The following TRAPPC13 variants were observed in gnomAD, a reference collection of about 807,000 sequenced individuals.
TRAPPC13 encodes the protein trafficking protein particle complex subunit 13.
TRAPPC13 carries 39 observed loss-of-function variants against 54.0 expected under a neutral mutation model. The observed-to-expected ratio is 0.72, with a 90% confidence interval of 0.56 to 0.94. TRAPPC13 has a LOEUF of 0.94. Ranked by LOEUF, TRAPPC13 falls within the 40% of genes least tolerant of loss-of-function variation. The pLI is 0.00. For missense variants in TRAPPC13, 386 were observed against 488.1 expected, an observed-to-expected ratio of 0.79 and a Z score of 1.97; for synonymous variants, 148 against 167.7, an observed-to-expected ratio of 0.88 and a Z score of 0.91.
chr5:65,640,507 C>T lies in TRAPPC13; in HGVS notation c.300+2727C>T, dbSNP rs117677075. ...ACAGCAGAGTTGTATATAGTTGAAA[C>T]GGAGATTGTATGGCCTCTAAAATCT... On this transcript the variant is annotated intron_variant, in intron 4 of 12. Coordinates refer to ENST00000399438, the MANE Select transcript of TRAPPC13 (RefSeq NM_024941.4). Among the ~76,000 whole-genome samples, 15 of 152,296 alleles carry T rather than the reference C, an allele frequency of 9.8e-5. No homozygotes were observed. The East Asian group carries it at 2.3e-3, about 23-fold the overall frequency.
intron 7 of TRAPPC13, among the ~76,000 whole-genome samples, chr5:65,653,884 C>T (rs27146): frequency 0.71 from 107,313 of 151,980 alleles, 39,471 homozygotes; most frequent in African/African-American, 0.92. Flanking sequence ...ATTAATACCA[C>T]ACTGTTGATT....
At chr5:65,647,009 A>T (rs1756237592) in intron 4 of TRAPPC13, 46 bp from the exon 5 acceptor site, 1 of 1,503,498 alleles carries the variant, frequency 6.7e-7, no homozygotes, top group East Asian at 2.5e-5. Flanking sequence ...CCTGTAGGTA[A>T]CCAGTCTCAT....
intron 4 of TRAPPC13, among the ~76,000 whole-genome samples, chr5:65,639,868 C>T (rs185265890): frequency 2.4e-4 from 36 of 152,322 alleles, no homozygotes; most frequent in Non-Finnish European, 2.9e-5. Flanking sequence ...AAGGTAAGAA[C>T]TCACAGTATG....
chr5:65,663,791 T>C (rs1260426212), intron 11 of TRAPPC13: 1 of 153,706 alleles, frequency 6.5e-6, no homozygotes, highest in African/African-American at 2.4e-5. Context: ...GCCAGTTGTT[T>C]CCCAAGTTAT....
chr5:65,645,451 G>A (rs1756150489), intron 4 of TRAPPC13, among the ~76,000 whole-genome samples: 1 of 152,070 alleles, frequency 6.6e-6, no homozygotes, highest in Non-Finnish European at 1.5e-5. Context: ...AGACACAGCA[G>A]TAATAAATAT....
intron 5 of TRAPPC13, among the ~76,000 whole-genome samples, chr5:65,650,079 C>T (rs1258757609): frequency 5.3e-5 from 8 of 150,254 alleles, no homozygotes; most frequent in Non-Finnish European, 8.8e-5. Flanking sequence ...AGGATGGTCT[C>T]GATCTCCTGA....
intron 1 of TRAPPC13, chr5:65,629,506 G>C (rs1755427869): frequency 1.0e-5 from 15 of 1,438,582 alleles, no homozygotes; most frequent in Non-Finnish European, 1.4e-5. Flanking sequence ...AGACAATCTT[G>C]CAATAATAAA....
At chr5:65,661,859 A>G (rs37347) in intron 10 of TRAPPC13, 191 bp from the exon 11 acceptor site, 301,445 of 484,818 alleles carry the variant, frequency 0.62, 94,840 homozygotes, top group South Asian at 0.67. Context: ...CAGGTCTGCC[A>G]GGCTATTCCA....
chr5:65,653,811 G>T (rs1756559556), intron 7 of TRAPPC13, among the ~76,000 whole-genome samples: 1 of 152,170 alleles, frequency 6.6e-6, no homozygotes. Context: ...TTACAAAGTT[G>T]ATGTTTCTTT....
chr5:65,651,834 G>A (rs1033408820), intron 6 of TRAPPC13, among the ~76,000 whole-genome samples: 4 of 108,494 alleles, frequency 3.7e-5, no homozygotes, highest in Non-Finnish European at 1.9e-5. Flanking sequence ...AAAATAAAAC[G>A]TGATTCAGTT....
chr5:65,625,923 T>TA (rs1185287988), intron 1 of TRAPPC13: 1 of 152,248 alleles, frequency 6.6e-6, no homozygotes, highest in South Asian at 2.1e-4. Context: ...TTACTTTACT[T>TA]ATGGCATCCA....
chr5:65,640,043 C>A (rs897619907), intron 4 of TRAPPC13, among the ~76,000 whole-genome samples: 6 of 152,148 alleles, frequency 3.9e-5, no homozygotes, highest in African/African-American at 1.4e-4. Context: ...AAACTGGATG[C>A]AAATTTGTGC....
chr5:65,631,747 A>G (rs562905616), intron 1 of TRAPPC13, among the ~76,000 whole-genome samples: 2 of 152,282 alleles, frequency 1.3e-5, no homozygotes, highest in South Asian at 4.1e-4. Context: ...AGTTGGGATC[A>G]CTTTATTTTT....
intron 4 of TRAPPC13, among the ~76,000 whole-genome samples, chr5:65,644,689 T>A (rs959049147): frequency 6.6e-6 from 1 of 152,114 alleles, no homozygotes; most frequent in Non-Finnish European, 1.5e-5. Context: ...GAGACCAGCC[T>A]GGCCAACATG....
At chr5:65,659,987 A>G (rs1204011570) in intron 9 of TRAPPC13, among the ~76,000 whole-genome samples, 1 of 147,140 alleles carries the variant, frequency 6.8e-6, no homozygotes, top group African/African-American at 2.6e-5. Context: ...AAAAAAAAAA[A>G]AAAGAAGAAG....
intron 1 of TRAPPC13, 162 bp downstream of exon 1, chr5:65,625,268 T>G: frequency 1.5e-6 from 1 of 645,964 alleles, no homozygotes; most frequent in South Asian, 1.8e-5. Flanking sequence ...CCTGGATGCT[T>G]TTTAGGTTTA....
chr5:65,627,478 A>C (rs774569602), intron 1 of TRAPPC13, among the ~76,000 whole-genome samples: 1 of 152,010 alleles, frequency 6.6e-6, no homozygotes, highest in Non-Finnish European at 1.5e-5. Flanking sequence ...GAAAATACAA[A>C]AATTAGCCAG....
chr5:65,642,558 A>G (rs1242191834), intron 4 of TRAPPC13, among the ~76,000 whole-genome samples: 2 of 152,066 alleles, frequency 1.3e-5, no homozygotes, highest in African/African-American at 4.8e-5. Context: ...TTTTTTAGCT[A>G]GGAATTTTAT....
chr5:65,660,448 A>AC lies in TRAPPC13; in HGVS notation c.699-247dup, dbSNP rs1483886405. ...AAATTATTTAAAAAAAAAAAAAGGG[A>AC]CCCCTGCCTTTCGGGGTCCAATTAC... On this transcript the variant is annotated intron_variant, in intron 9 of 12. Transcript: ENST00000399438. Among the ~76,000 whole-genome samples the AC allele has an allele frequency of 2.6e-5, 4 of 151,376 alleles. No individual in the cohort carries two copies. The East Asian group carries it at 7.7e-4, about 29-fold the overall frequency.
Sources: allele counts gnomAD v4.1 joint callset (sites outside exome capture counted in the v4.1 genomes callset), GRCh38; gene constraint gnomAD v4.1.1; transcripts MANE v1.5; gene names NCBI Gene and HGNC (gene_info 2026-07-23, HGNC 2026-07-21).